CTNNA3: variants seen among roughly 807,000 people sequenced by gnomAD.
CTNNA3 encodes catenin alpha 3.
A neutral mutation model predicts 95.7 loss-of-function variants in CTNNA3; 76 were observed. The observed-to-expected ratio is 0.79, with a 90% confidence interval of 0.66 to 0.96. CTNNA3 has a LOEUF of 0.96. Ranked by LOEUF, CTNNA3 falls within the 40% of genes least tolerant of loss-of-function variation. CTNNA3 has a pLI of 0.00. For missense variants in CTNNA3, 1,191 were observed against 1,089.8 expected (o/e 1.09, Z -1.31); for synonymous variants, 431 against 374.4 (o/e 1.15, Z -1.74).
At chr10:66,857,261 G>A (rs1843718046) in intron 7 of CTNNA3, among the ~76,000 whole-genome samples, 1 of 151,944 alleles carries the variant, frequency 6.6e-6, no homozygotes, top group Non-Finnish European at 1.5e-5. Context: ...ATTAGTCTAT[G>A]TGACCGTTTT....
intron 5 of CTNNA3, among the ~76,000 whole-genome samples, chr10:67,457,673 T>C (rs1847223131): frequency 6.6e-6 from 1 of 152,166 alleles, no homozygotes; most frequent in Admixed American, 6.6e-5. Flanking sequence ...TCAGTAGGAC[T>C]GCGTTCCTTC....
chr10:67,227,730 A>G (rs549850833), intron 5 of CTNNA3, among the ~76,000 whole-genome samples: 27 of 152,322 alleles, frequency 1.8e-4, no homozygotes, highest in Middle Eastern at 3.4e-3. Context: ...TCATCCAACA[A>G]CCACAAAATA....
chr10:66,188,595 C>CTCTG lies in CTNNA3; in HGVS notation c.1885-85347_1885-85346insCAGA, dbSNP rs1554883578. Among the ~76,000 whole-genome samples, 32 of 121,080 alleles carry CTCTG rather than the reference C, an allele frequency of 2.6e-4. No homozygotes were observed. In the South Asian group the frequency reaches 3.5e-3, roughly 13 times the overall value. The allele number at this position is 121,080 out of a possible 152,430, so 79.4% of individuals were successfully genotyped here. On this transcript the variant is annotated intron_variant, in intron 13 of 17. Coordinates refer to ENST00000433211, the MANE Select transcript of CTNNA3 (RefSeq NM_013266.4). ...GTGTGTGTGGGGGGAGGGGGGGTCT[C>CTCTG]TGTGTGTGTGTGTGTGTGTGTGTGT...
At chr10:66,938,708 G>A (rs961373227) in intron 7 of CTNNA3, among the ~76,000 whole-genome samples, 1 of 152,112 alleles carries the variant, frequency 6.6e-6, no homozygotes, top group Non-Finnish European at 1.5e-5. Flanking sequence ...ATCATGTTCT[G>A]ATTTAAATTG....
intron 13 of CTNNA3, among the ~76,000 whole-genome samples, chr10:66,181,298 A>T (rs2131856760): frequency 6.6e-6 from 1 of 152,302 alleles, no homozygotes; most frequent in South Asian, 2.1e-4. Context: ...AATTTTCTTC[A>T]GTACTTGGAT....
chr10:66,181,594 G>A (rs529743801), intron 13 of CTNNA3, among the ~76,000 whole-genome samples: 2 of 152,044 alleles, frequency 1.3e-5, no homozygotes, highest in African/African-American at 2.4e-5. Context: ...ATTTGTAAAA[G>A]CCCCATTATT....
At chr10:66,487,239 TC>T (rs2131922320) in intron 11 of CTNNA3, among the ~76,000 whole-genome samples, 1 of 121,786 alleles carries the variant, frequency 8.2e-6, no homozygotes, top group South Asian at 3.0e-4. Flanking sequence ...TCTCACTCTT[TC>T]GCCCAGGCTG....
chr10:66,214,808 G>A (rs2088408697), intron 13 of CTNNA3, among the ~76,000 whole-genome samples: 1 of 151,966 alleles, frequency 6.6e-6, no homozygotes, highest in East Asian at 1.9e-4. Flanking sequence ...AGAAGTGATG[G>A]GCATAATCCC....
chr10:66,629,902 G>A (rs1019958685), intron 9 of CTNNA3, among the ~76,000 whole-genome samples: 1 of 152,028 alleles, frequency 6.6e-6, no homozygotes, highest in African/African-American at 2.4e-5. Context: ...GTAATTCCTT[G>A]GAAAGTTTTT....
chr10:66,166,487 AC>A (rs2085133722), intron 13 of CTNNA3, among the ~76,000 whole-genome samples: 2 of 130,882 alleles, frequency 1.5e-5, no homozygotes, highest in Non-Finnish European at 3.2e-5. Context: ...GGACAGAGTG[AC>A]AGTCTGTCTC....
At chr10:66,349,032 C>T (rs75384843) in intron 12 of CTNNA3, among the ~76,000 whole-genome samples, 14,702 of 151,930 alleles carry the variant, frequency 0.097, 1,260 homozygotes, top group East Asian at 0.25. Flanking sequence ...AAACAGAAAA[C>T]GGAAAAGTTG....
chr10:66,765,184 T>C (rs1839792885), intron 9 of CTNNA3, among the ~76,000 whole-genome samples: 1 of 152,196 alleles, frequency 6.6e-6, no homozygotes, highest in Non-Finnish European at 1.5e-5. Context: ...GCGCAAATGC[T>C]AGCTGCATTG....
intron 10 of CTNNA3, among the ~76,000 whole-genome samples, chr10:66,621,308 C>A (rs192920945): frequency 6.6e-6 from 1 of 152,026 alleles, no homozygotes; most frequent in Non-Finnish European, 1.5e-5. Flanking sequence ...CGCCTTAGGA[C>A]AATTCTGTCT....
intron 3 of CTNNA3, among the ~76,000 whole-genome samples, chr10:67,584,417 C>T (rs975176138): frequency 3.3e-5 from 5 of 152,154 alleles, no homozygotes; most frequent in Admixed American, 3.3e-4. Flanking sequence ...CTGCCTGATC[C>T]TTCTTCTGGA....
intron 7 of CTNNA3, among the ~76,000 whole-genome samples, chr10:66,953,913 G>A (rs1249317026): frequency 6.6e-6 from 1 of 152,086 alleles, no homozygotes; most frequent in African/African-American, 2.4e-5. Flanking sequence ...CATTTCCTCT[G>A]CTATAAAATC....
intron 5 of CTNNA3, among the ~76,000 whole-genome samples, chr10:67,470,958 TTTTA>T (rs555737893): frequency 9.2e-5 from 14 of 152,062 alleles, no homozygotes; most frequent in South Asian, 2.1e-4. Flanking sequence ...TTTTTGTCTT[TTTTA>T]TTTATTTATT....
At chr10:66,840,368 TCTCTCACACACA>T (rs1200178450) in intron 7 of CTNNA3, among the ~76,000 whole-genome samples, 24 of 80,292 alleles carry the variant, frequency 3.0e-4, no homozygotes, top group South Asian at 8.1e-4. Context: ...TCTCTCTCTC[TCTCTCACACACA>T]CACACACACA....
At chr10:67,643,009 G>A (rs551984971) in intron 2 of CTNNA3, among the ~76,000 whole-genome samples, 1 of 151,974 alleles carries the variant, frequency 6.6e-6, no homozygotes, top group African/African-American at 2.4e-5. Context: ...CCATTATAAA[G>A]ATACATGCAC....
At chr10:67,715,869 G>A (rs1841139463) in intron 1 of CTNNA3, among the ~76,000 whole-genome samples, 1 of 152,130 alleles carries the variant, frequency 6.6e-6, no homozygotes, top group Admixed American at 6.6e-5. Context: ...GAAAAAGTTT[G>A]GGGCAGGTAT....
Sources: gnomAD v4.1 joint callset for allele counts (sites outside exome capture counted in the v4.1 genomes callset) on GRCh38, gnomAD v4.1.1 for gene constraint, MANE v1.5 for transcripts, NCBI Gene and HGNC (gene_info 2026-07-23, HGNC 2026-07-21) for gene names.